CENPP: variants seen among roughly 807,000 people sequenced by gnomAD.
CENPP encodes centromere protein P.
A neutral mutation model predicts 35.6 loss-of-function variants in CENPP; 24 were observed. That is an observed-to-expected ratio of 0.67 (90% confidence interval 0.49 to 0.95). The LOEUF (loss-of-function observed/expected upper bound fraction) is 0.95, where lower values mean the gene tolerates loss of function less well. Among genes scored for constraint, CENPP ranks in the 40% least tolerant of loss-of-function variants. The pLI is 0.00. For synonymous variants in CENPP, 120 were observed against 125.5 expected, an observed-to-expected ratio of 0.96 and a Z score of 0.29; for missense variants, 332 against 345.3, an observed-to-expected ratio of 0.96 and a Z score of 0.31.
intron 5 of CENPP, among the ~76,000 whole-genome samples, chr9:92,579,601 T>G (rs1850368710): frequency 6.6e-6 from 1 of 151,630 alleles, no homozygotes; most frequent in Non-Finnish European, 1.5e-5. Flanking sequence ...GGCTCTCTGT[T>G]TGTCTGTTAT....
intron 5 of CENPP, among the ~76,000 whole-genome samples, chr9:92,406,221 TG>T (rs1316227766): frequency 6.6e-6 from 1 of 152,104 alleles, no homozygotes; most frequent in African/African-American, 2.4e-5. Flanking sequence ...TAATTTGTTT[TG>T]CATACTGCTG....
chr9:92,539,979 A>G (rs72754447), intron 5 of CENPP, among the ~76,000 whole-genome samples: 6,057 of 152,290 alleles, frequency 0.04, 184 homozygotes, highest in South Asian at 0.098. Context: ...CACCAGAAAT[A>G]TATAAAATGC....
intron 5 of CENPP, among the ~76,000 whole-genome samples, chr9:92,428,749 A>G (rs1844030444): frequency 1.3e-5 from 2 of 152,116 alleles, no homozygotes; most frequent in Non-Finnish European, 2.9e-5. Context: ...GTGATGCTTT[A>G]TTTAAAAAAG....
chr9:92,493,914 C>A, intron 5 of CENPP: 1 of 484,506 alleles, frequency 2.1e-6, no homozygotes, highest in Non-Finnish European at 3.6e-6. Context: ...CACAGTGCGT[C>A]TGCTCCACAG....
chr9:92,470,410 G>T (rs919984634), intron 5 of CENPP, among the ~76,000 whole-genome samples: 8 of 152,102 alleles, frequency 5.3e-5, no homozygotes, highest in Non-Finnish European at 1.0e-4. Flanking sequence ...TGAATAGATT[G>T]TAAGCTTATT....
At chr9:92,502,476 A>G (rs1348207629) in intron 5 of CENPP, 1 of 1,603,716 alleles carries the variant, frequency 6.2e-7, no homozygotes, top group African/African-American at 1.3e-5. Flanking sequence ...AGAGGAAGAA[A>G]TAGTTCAATA....
At chr9:92,612,070 CTTCA>C (rs1484693613) in intron 6 of CENPP, among the ~76,000 whole-genome samples, 1 of 152,252 alleles carries the variant, frequency 6.6e-6, no homozygotes, top group Non-Finnish European at 1.5e-5. Flanking sequence ...TTGCTGCGCT[CTTCA>C]GCTCTGGAGC....
chr9:92,551,077 A>G (rs1331536751), intron 5 of CENPP, among the ~76,000 whole-genome samples: 1 of 152,168 alleles, frequency 6.6e-6, no homozygotes, highest in Non-Finnish European at 1.5e-5. Flanking sequence ...AGGCTACCAG[A>G]TACTCAGAGC....
intron 5 of CENPP, chr9:92,501,141 G>T (rs965965918): frequency 2.7e-5 from 37 of 1,351,676 alleles, no homozygotes; most frequent in Non-Finnish European, 3.7e-5. Flanking sequence ...CTCGATGCTG[G>T]TCCATTTTCC....
At chr9:92,577,447 G>C (rs935915579) in intron 5 of CENPP, among the ~76,000 whole-genome samples, 1 of 152,126 alleles carries the variant, frequency 6.6e-6, no homozygotes, top group Non-Finnish European at 1.5e-5. Flanking sequence ...ATACCATTTA[G>C]AATTGAGAAG....
At chr9:92,419,299 C>CTTTTTTTT (rs34582930) in intron 5 of CENPP, among the ~76,000 whole-genome samples, 6 of 117,094 alleles carry the variant, frequency 5.1e-5, no homozygotes, top group Non-Finnish European at 6.8e-5. Flanking sequence ...TGCCTTGTGT[C>CTTTTTTTT]TTTTTTTTTT....
rs1849759044 is a variant in CENPP at position 92,557,791 on chromosome 9, C to T, written c.565-53523C>T. On this transcript the variant is annotated intron_variant, in intron 5 of 7. Transcript: ENST00000375587. ...TCGAGTAGCTGGGACTACAAGTATG[C>T]ACCACCACGCCCGACTAATTTTTGT... 2.0e-5 allele frequency among the ~76,000 whole-genome samples: 3 copies of T among 152,086 alleles called. No individual in the cohort carries two copies. The South Asian group carries it at 6.2e-4, about 32-fold the overall frequency.
At chr9:92,416,016 A>G (rs1001223864) in intron 5 of CENPP, among the ~76,000 whole-genome samples, 1 of 142,962 alleles carries the variant, frequency 7.0e-6, no homozygotes, top group African/African-American at 2.5e-5. Flanking sequence ...ATAAAAGAGA[A>G]TATATATTTT....
At chr9:92,434,860 G>A (rs182753190) in intron 5 of CENPP, among the ~76,000 whole-genome samples, 13 of 152,044 alleles carry the variant, frequency 8.6e-5, no homozygotes, top group African/African-American at 1.4e-4. Context: ...AAGACCAGCC[G>A]GGCCGACATG....
At position 92,619,304 on chromosome 9, in the gene CENPP, A is replaced by G. The variant is rs1322901856; in HGVS notation, c.*6155A>G. The G allele has an allele frequency of 3.5e-6, 2 of 577,756 alleles. No individual in the cohort carries two copies. Among genetic ancestry groups the G allele is most frequent in the South Asian group, 2.2e-5 (1 of 45,712 alleles). 35.8% of individuals were successfully genotyped at this position (577,756 alleles called of 1,614,324 possible). A position where few individuals can be genotyped will look rare whatever the true frequency, so the allele number is the denominator to read the frequency against. ...CTCCATAAATCTGTCTTTTGACTGA[A>G]TTACAAGCTTCTAGAGGGCGAGAGT... On this transcript the variant is annotated 3_prime_UTR_variant, in exon 8 of 8. Transcript: ENST00000375587.
At chr9:92,386,365 A>C in intron 5 of CENPP, 1 of 896,222 alleles carries the variant, frequency 1.1e-6, no homozygotes, top group Non-Finnish European at 1.9e-6. Flanking sequence ...CAAGCAATAT[A>C]TATGTGCATA....
chr9:92,352,510 C>CATATATATAT (rs67070835), intron 4 of CENPP, among the ~76,000 whole-genome samples: 1,681 of 50,332 alleles, frequency 0.033, 161 homozygotes, highest in African/African-American at 0.061. Context: ...TGTGTGTATA[C>CATATATATAT]ATATATATAT....
rs778760702 is a variant in CENPP, at chr9:92,618,340, G to GT, written c.*5192dup. On this transcript the variant is annotated 3_prime_UTR_variant, in exon 8 of 8. Coordinates refer to ENST00000375587, the MANE Select transcript of CENPP (RefSeq NM_001012267.3). ...TGTCGTTTCTGCTGAGCAGCTGGTCGTAAGGACCCGGGCCTTCAGCTTTCC... is the reference window on the plus strand; with the variant it reads ...TGTCGTTTCTGCTGAGCAGCTGGTCGTTAAGGACCCGGGCCTTCAGCTTTCC... 4 of 456,680 alleles carry GT rather than the reference G, an allele frequency of 8.8e-6. No individual in the cohort carries two copies. The highest frequency in any genetic ancestry group is 6.5e-4 in the Middle Eastern group (2 of 3,076). 28.3% of individuals were successfully genotyped at this position (456,680 alleles called of 1,614,324 possible).
At chr9:92,564,817 G>A (rs1849927445) in intron 5 of CENPP, among the ~76,000 whole-genome samples, 1 of 152,130 alleles carries the variant, frequency 6.6e-6, no homozygotes, top group African/African-American at 2.4e-5. Context: ...TCCAAAATAA[G>A]CACTTTCACA....
Sources: gnomAD v4.1 joint callset for allele counts (sites outside exome capture counted in the v4.1 genomes callset) on GRCh38, gnomAD v4.1.1 for gene constraint, MANE v1.5 for transcripts, NCBI Gene and HGNC (gene_info 2026-07-23, HGNC 2026-07-21) for gene names.